Variants in METTL15 observed in about 807,000 individuals in gnomAD.
METTL15 encodes 12S rRNA N(4)-cytidine methyltransferase METTL15.
A neutral mutation model predicts 38.3 loss-of-function variants in METTL15; 34 were observed. The observed-to-expected ratio is 0.89, with a 90% CI of 0.68 to 1.18. The LOEUF is 1.18. METTL15 is among the 50% of genes most tolerant of loss of function. The probability of loss-of-function intolerance (pLI) is 0.00; values close to 1 mark genes in which losing one functional copy is unlikely to be tolerated. For missense variants in METTL15, 438 were observed against 498.4 expected, an observed-to-expected ratio of 0.88 and a Z score of 1.15; for synonymous variants, 162 against 170.9, an observed-to-expected ratio of 0.95 and a Z score of 0.41.
At chr11:28,405,487 AC>A (rs1850665842) in intron 5 of METTL15, among the ~76,000 whole-genome samples, 1 of 151,056 alleles carries the variant, frequency 6.6e-6, no homozygotes, top group South Asian at 2.1e-4. Flanking sequence ...TCCACAGAAA[AC>A]TTTTTTCTCA....
chr11:28,324,441 T>G (rs1849567587), intron 6 of METTL15, among the ~76,000 whole-genome samples: 1 of 152,180 alleles, frequency 6.6e-6, no homozygotes, highest in Admixed American at 6.5e-5. Context: ...TTTTCTGAGG[T>G]TAAAATTATT....
chr11:28,398,062 G>T (rs916670727), intron 5 of METTL15, among the ~76,000 whole-genome samples: 3 of 151,850 alleles, frequency 2.0e-5, no homozygotes, highest in African/African-American at 7.3e-5. Context: ...ACCAGGAAGG[G>T]GAATATCACA....
intron 6 of METTL15, among the ~76,000 whole-genome samples, chr11:28,328,708 T>C (rs1293047262): frequency 6.6e-6 from 1 of 152,134 alleles, no homozygotes; most frequent in Non-Finnish European, 1.5e-5. Flanking sequence ...AGGAAAATTA[T>C]ATTTATTAGT....
intron 6 of METTL15, among the ~76,000 whole-genome samples, chr11:28,428,694 C>T (rs1226243827): frequency 6.6e-6 from 1 of 152,190 alleles, no homozygotes; most frequent in African/African-American, 2.4e-5. Flanking sequence ...GACATAGGGG[C>T]TCAAGACCAT....
At chr11:28,221,907 T>C (rs1197762175) in intron 4 of METTL15, among the ~76,000 whole-genome samples, 1 of 152,178 alleles carries the variant, frequency 6.6e-6, no homozygotes, top group Non-Finnish European at 1.5e-5. Context: ...TGATCGTTCC[T>C]CTGGAAGTTT....
At chr11:28,180,843 ATG>A (rs775081993) in intron 3 of METTL15, among the ~76,000 whole-genome samples, 7 of 151,816 alleles carry the variant, frequency 4.6e-5, no homozygotes, top group Non-Finnish European at 1.0e-4. Context: ...AATAAGAAAA[ATG>A]AACTCTGACA....
At chr11:28,509,111 T>C (rs2133498962) in intron 6 of METTL15, among the ~76,000 whole-genome samples, 1 of 152,334 alleles carries the variant, frequency 6.6e-6, no homozygotes, top group South Asian at 2.1e-4. Context: ...TTGCAATTTC[T>C]ATGCTTTCTT....
At chr11:28,237,531 T>C (rs189761744) in intron 4 of METTL15, among the ~76,000 whole-genome samples, 3 of 152,302 alleles carry the variant, frequency 2.0e-5, no homozygotes, top group Admixed American at 6.5e-5. Context: ...TTTCAGCTCC[T>C]TTGCCTTTGG....
intron 3 of METTL15, among the ~76,000 whole-genome samples, chr11:28,207,362 A>T (rs1269852313): frequency 6.6e-6 from 1 of 152,142 alleles, no homozygotes; most frequent in Non-Finnish European, 1.5e-5. Flanking sequence ...ATGTATTGAG[A>T]TAATCATGTG....
chr11:28,389,584 G>GCATT (rs1850479907), intron 5 of METTL15, among the ~76,000 whole-genome samples: 1 of 151,914 alleles, frequency 6.6e-6, no homozygotes, highest in Admixed American at 6.6e-5. Flanking sequence ...TGGCTGCATA[G>GCATT]CATTCCATGT....
Position 28,120,304 on chromosome 11 carries a change from A to G in METTL15, c.270+6700A>G, listed in dbSNP as rs564305502. 6.2e-5 allele frequency among the ~76,000 whole-genome samples: 9 copies of G among 144,966 alleles called. No homozygotes were observed. In the East Asian group the frequency reaches 1.6e-3, roughly 26 times the overall value. ...AAACTTAAAATTTCATATGAGATGG[A>G]CTGTTGATGTTGTGTTTTCCCTCTG... is the stretch of plus-strand genomic sequence containing the variant. On this transcript the variant is annotated intron_variant, in intron 3 of 6. Coordinates refer to ENST00000407364, the MANE Select transcript of METTL15 (RefSeq NM_001113528.2).
intron 5 of METTL15, among the ~76,000 whole-genome samples, chr11:28,291,801 C>G (rs953225889): frequency 6.6e-6 from 1 of 152,054 alleles, no homozygotes; most frequent in Admixed American, 6.6e-5. Flanking sequence ...AACAAAACTT[C>G]TAGTTACTAG....
At chr11:28,125,903 A>G (rs1030225575) in intron 3 of METTL15, 2 of 152,254 alleles carry the variant, frequency 1.3e-5, no homozygotes, top group East Asian at 1.9e-4. Context: ...TCCGTATTCT[A>G]CGCATCAGTG....
At chr11:28,240,226 C>T (rs75986175) in intron 4 of METTL15, among the ~76,000 whole-genome samples, 1,526 of 152,196 alleles carry the variant, frequency 0.01, 11 homozygotes, top group Non-Finnish European at 0.017. Context: ...CACATTCATT[C>T]GTTCATTCAG....
At chr11:28,151,591 CA>C in intron 3 of METTL15, among the ~76,000 whole-genome samples, 1 of 152,074 alleles carries the variant, frequency 6.6e-6, no homozygotes, top group East Asian at 1.9e-4. Context: ...TTCTTTCTTC[CA>C]TGATGACATT....
At chr11:28,522,413 G>T (rs1851772023) in intron 6 of METTL15, among the ~76,000 whole-genome samples, 1 of 152,220 alleles carries the variant, frequency 6.6e-6, no homozygotes, top group African/African-American at 2.4e-5. Flanking sequence ...TCCAAAGGTT[G>T]TCTCCTGCAG....
At chr11:28,456,526 C>T (rs1201125298) in intron 6 of METTL15, among the ~76,000 whole-genome samples, 1 of 151,404 alleles carries the variant, frequency 6.6e-6, no homozygotes, top group African/African-American at 2.4e-5. Flanking sequence ...TCTGTAACCT[C>T]CTCCTCCTGG....
intron 5 of METTL15, among the ~76,000 whole-genome samples, chr11:28,395,266 G>A (rs1424189791): frequency 6.6e-6 from 1 of 152,092 alleles, no homozygotes; most frequent in Non-Finnish European, 1.5e-5. Context: ...AGGTGTGCCA[G>A]TCAGCAAAAT....
intron 4 of METTL15, among the ~76,000 whole-genome samples, chr11:28,231,134 A>G (rs971202735): frequency 6.6e-6 from 1 of 151,936 alleles, no homozygotes. Context: ...ATATTAAATC[A>G]TATTCTGGTA....
Sources: allele counts gnomAD v4.1 joint callset (sites outside exome capture counted in the v4.1 genomes callset), GRCh38; gene constraint gnomAD v4.1.1; transcripts MANE v1.5; gene names NCBI Gene and HGNC (gene_info 2026-07-23, HGNC 2026-07-21).